The following ITPKB variants were observed in gnomAD, a reference collection of about 807,000 sequenced individuals.
ITPKB encodes the protein inositol-trisphosphate 3-kinase B.
ITPKB carries 13 observed loss-of-function variants against 69.4 expected under a neutral mutation model. The ratio of observed to expected loss-of-function variants is 0.19; its 90% CI spans 0.12 to 0.30. ITPKB has a LOEUF of 0.30. ITPKB is among the 10% of genes least tolerant of loss of function. The pLI, the probability that ITPKB is intolerant of heterozygous loss-of-function variation, is 1.00. For missense variants in ITPKB, 1,240 were observed against 1,250.5 expected (o/e 0.99, Z 0.13); for synonymous variants, 584 against 513.7 (o/e 1.14, Z -1.85).
chr1:226,672,729 G>A (rs1669640940), intron 2 of ITPKB, among the ~76,000 whole-genome samples: 1 of 152,184 alleles, frequency 6.6e-6, no homozygotes, highest in South Asian at 2.1e-4. Flanking sequence ...ATAAAGAGCT[G>A]GTCCATGGGC....
intron 2 of ITPKB, among the ~76,000 whole-genome samples, chr1:226,662,925 G>C (rs941873773): frequency 1.3e-5 from 2 of 152,198 alleles, no homozygotes; most frequent in African/African-American, 4.8e-5. Context: ...TCTGAATTCT[G>C]CTATGAGTCA....
intron 2 of ITPKB, among the ~76,000 whole-genome samples, chr1:226,661,835 C>A (rs951795953): frequency 1.3e-5 from 2 of 152,156 alleles, no homozygotes; most frequent in African/African-American, 4.8e-5. Context: ...TCTGTATGAG[C>A]CCAGCAGATG....
Position 226,650,618 on chromosome 1 carries a change from G to T in ITPKB, c.1933-1847C>A, listed in dbSNP as rs368923994. Among the ~76,000 whole-genome samples, 34 of 152,370 alleles carry T rather than the reference G, an allele frequency of 2.2e-4. No homozygotes were observed. The East Asian group carries it at 6.0e-3, about 27-fold the overall frequency. Reference sequence around the variant, plus strand: ...CCCCTGCTCAGGGGGAAGCCATTACGGTGGGTCCAGGGGGAGAGTGCACAG... The same window carrying T: ...CCCCTGCTCAGGGGGAAGCCATTACTGTGGGTCCAGGGGGAGAGTGCACAG... On this transcript the variant is annotated intron_variant, in intron 2 of 7. Transcript: ENST00000429204.
At chr1:226,724,957 T>A (rs1657363440) in intron 2 of ITPKB, among the ~76,000 whole-genome samples, 1 of 152,206 alleles carries the variant, frequency 6.6e-6, no homozygotes, top group Non-Finnish European at 1.5e-5. Context: ...CTCTTTGATC[T>A]ACCACTTCTA....
chr1:226,707,506 A>G (rs1656831855), intron 2 of ITPKB: 6 of 984,422 alleles, frequency 6.1e-6, no homozygotes, highest in South Asian at 9.4e-5. Flanking sequence ...CAATAAAGTA[A>G]AATTTTAAGA....
intron 2 of ITPKB, among the ~76,000 whole-genome samples, chr1:226,661,834 G>T (rs1049958179): frequency 6.6e-6 from 1 of 152,150 alleles, no homozygotes; most frequent in Non-Finnish European, 1.5e-5. Context: ...CTCTGTATGA[G>T]CCCAGCAGAT....
intron 2 of ITPKB, among the ~76,000 whole-genome samples, chr1:226,652,048 C>A (rs1001585213): frequency 6.6e-6 from 1 of 152,236 alleles, no homozygotes; most frequent in African/African-American, 2.4e-5. Flanking sequence ...TCTTTTCTCT[C>A]TGCCAGCAGC....
At position 226,736,367 on chromosome 1, in the gene ITPKB, G is replaced by A. The variant is rs755024612; in HGVS notation, c.1092C>T (p.Arg364=). The stretch of plus-strand genomic sequence containing the variant: ...CCATCTTCCCAGGGGGTTCTCCATC[G>A]CGGGGCCCGCCCCTTTCTGGGGCTG... ...TSPAPERGGP[R]DGEPPGKMGK... Residue 364 remains arginine (R), a synonymous_variant, in exon 2 of 8, where the codon CGC becomes CGT. Transcript: ENST00000429204. 3.7e-6 allele frequency: 6 copies of A among 1,612,218 alleles called. No homozygotes were observed. In the East Asian group the frequency reaches 8.9e-5, roughly 24 times the overall value.
chr1:226,680,361 T>C (rs1656051174), intron 2 of ITPKB, among the ~76,000 whole-genome samples: 1 of 152,158 alleles, frequency 6.6e-6, no homozygotes, highest in South Asian at 2.1e-4. Flanking sequence ...CTAAGTCCCT[T>C]TTGGCAGAGA....
At position 226,691,772 on chromosome 1, in the gene ITPKB, A is replaced by T. The variant is rs538088419; in HGVS notation, c.1933-43001T>A. Among the ~76,000 whole-genome samples the T allele has an allele frequency of 5.3e-5, 8 of 152,280 alleles. No individual in the cohort carries two copies. The South Asian group carries it at 1.7e-3, about 32-fold the overall frequency. ...CCTTAGCAGCTGTGCTCTGCTCCCAAATGTTCTGTTTATGTCTCCCCATCA... is the reference window on the plus strand; with the variant it reads ...CCTTAGCAGCTGTGCTCTGCTCCCATATGTTCTGTTTATGTCTCCCCATCA... On this transcript the variant is annotated intron_variant, in intron 2 of 7. Coordinates refer to ENST00000429204, the MANE Select transcript of ITPKB (RefSeq NM_002221.4).
intron 2 of ITPKB, among the ~76,000 whole-genome samples, chr1:226,701,973 G>GAA (rs1656678819): frequency 6.6e-6 from 1 of 152,168 alleles, no homozygotes; most frequent in African/African-American, 2.4e-5. Flanking sequence ...TAAGTCCCAT[G>GAA]CACACACAGA....
intron 2 of ITPKB, among the ~76,000 whole-genome samples, chr1:226,688,339 G>A (rs1227400465): frequency 6.6e-6 from 1 of 152,162 alleles, no homozygotes; most frequent in Admixed American, 6.5e-5. Context: ...GTTTTGCAGA[G>A]CTGTTCCGGG....
chr1:226,642,686 G>A lies in ITPKB; in HGVS notation c.2247-561C>T, dbSNP rs1008132923. 2.6e-5 allele frequency among the ~76,000 whole-genome samples: 4 copies of A among 152,032 alleles called. No homozygotes were observed. Among genetic ancestry groups the A allele is most frequent in the African/African-American group, 4.8e-5 (2 of 41,388 alleles). ...CTGCTGCTACGGTGGAGCTAAGAGA[G>A]GGGACTGGGGGCAGGGTCTACTCAG... On this transcript the variant is annotated intron_variant, in intron 4 of 7. Transcript: ENST00000429204. This position sits in a 1 kb window ranked among gnomAD's most constrained non-coding sequence, Gnocchi z 6.4.
intron 2 of ITPKB, among the ~76,000 whole-genome samples, chr1:226,716,747 C>T (rs1310729339): frequency 6.6e-6 from 1 of 152,152 alleles, no homozygotes; most frequent in Admixed American, 6.5e-5. Context: ...ATCAAATAAC[C>T]ACTGAAACAT....
At position 226,736,495 on chromosome 1, in the gene ITPKB, C is replaced by T. The variant is rs3754413; in HGVS notation, c.964G>A (p.Ala322Thr). 16,447 of 1,614,004 alleles carry T rather than the reference C, an allele frequency of 0.01. 755 individuals carry two copies. Among genetic ancestry groups the T allele is most frequent in the Admixed American group, 0.1 (5,982 of 60,028 alleles). ...GCTCTCCCAGACGGCTCAGTGAGGG[C>T]AAGATCCTGTGGACGGTGTGGCCCA... ...STGPHRPQDL[A>T]LTEPSGRARE... Residue 322 changes from alanine to threonine, a missense_variant, in exon 2 of 8, where the codon GCC becomes ACC. By Grantham distance (58) the Ala-to-Thr change is moderately conservative. This residue lies in a region of ITPKB where 992 missense variants were observed against 853.8 expected (regional missense o/e 1.16). Coordinates refer to ENST00000429204, the MANE Select transcript of ITPKB (RefSeq NM_002221.4).
At chr1:226,660,424 T>C (rs1481919320) in intron 2 of ITPKB, among the ~76,000 whole-genome samples, 1 of 152,206 alleles carries the variant, frequency 6.6e-6, no homozygotes, top group African/African-American at 2.4e-5. Context: ...TACTCAAGAA[T>C]CGAGGTGTCC....
At chr1:226,705,937 C>T (rs1656792542) in intron 2 of ITPKB, among the ~76,000 whole-genome samples, 1 of 152,234 alleles carries the variant, frequency 6.6e-6, no homozygotes, top group African/African-American at 2.4e-5. Flanking sequence ...GGATTCCCCT[C>T]ACATCTTCCA....
intron 2 of ITPKB, among the ~76,000 whole-genome samples, chr1:226,730,585 G>A (rs958284359): frequency 2.0e-5 from 3 of 152,016 alleles, no homozygotes; most frequent in African/African-American, 4.8e-5. Context: ...CTGAGGCTGC[G>A]ATCACAACAT....
chr1:226,639,735 C>G, intron 5 of ITPKB, 77 bp from the exon 6 acceptor site: 2 of 964,826 alleles, frequency 2.1e-6, no homozygotes, highest in Non-Finnish European at 3.3e-6. Flanking sequence ...CCACCCAACA[C>G]CACAGAGCAG....
Sources: gnomAD v4.1 joint callset for allele counts (sites outside exome capture counted in the v4.1 genomes callset) on GRCh38, gnomAD v4.1.1 for gene constraint, gnomAD v4.1.1 regional missense constraint, Gnocchi (gnomAD v3.1) non-coding constraint, MANE v1.5 for transcripts, NCBI Gene and HGNC (gene_info 2026-07-23, HGNC 2026-07-21) for gene names.